Variants in ANKRD18A observed in about 807,000 individuals in gnomAD.
ANKRD18A encodes the protein ankyrin repeat domain-containing protein 18A.
A neutral mutation model predicts 110.6 loss-of-function variants in ANKRD18A; 72 were observed. That is an observed-to-expected ratio of 0.65 (90% CI 0.54 to 0.79). The LOEUF is 0.79. Ranked by LOEUF, ANKRD18A falls within the 30% of genes least tolerant of loss-of-function variation. The pLI, the probability that ANKRD18A is intolerant of heterozygous loss-of-function variation, is 0.00. For missense variants in ANKRD18A, 934 were observed against 1,163.3 expected, an observed-to-expected ratio of 0.80 and a Z score of 2.87; for synonymous variants, 305 against 410.3, an observed-to-expected ratio of 0.74 and a Z score of 3.10.
downstream of ANKRD18A, chr9:38,571,337 T>C: frequency 1.1e-6 from 1 of 935,150 alleles, no homozygotes; most frequent in Non-Finnish European, 1.4e-6. Context: ...CTTGGGGAAC[T>C]GGAGCACCAG....
At position 38,601,220 on chromosome 9, in the gene ANKRD18A, G is replaced by A. The variant is rs1825107563; in HGVS notation, c.863-16C>T. Reference sequence around the variant, plus strand: ...TTGTGTTCTGCTGACAAATCCATATGTTTAGTTAAAATGAATGATTTAAAG... The same window carrying A: ...TTGTGTTCTGCTGACAAATCCATATATTTAGTTAAAATGAATGATTTAAAG... On this transcript the variant is annotated splice_polypyrimidine_tract_variant and intron_variant, in intron 7 of 15. Transcript: ENST00000399703. 1 of 1,546,274 alleles carries A rather than the reference G, an allele frequency of 6.5e-7. No individual in the cohort carries two copies. Among genetic ancestry groups the A allele is most frequent in the Non-Finnish European group, 8.8e-7 (1 of 1,142,636 alleles).
At chr9:38,609,398 G>A (rs557351808) in intron 5 of ANKRD18A, among the ~76,000 whole-genome samples, 16 of 152,064 alleles carry the variant, frequency 1.1e-4, no homozygotes, top group Admixed American at 4.6e-4. Flanking sequence ...GGAGAATAGC[G>A]TGAACCCAGG....
intron 1 of ANKRD18A, 52 bp downstream of exon 1, chr9:38,620,028 G>A (rs1826017033): frequency 1.3e-6 from 2 of 1,542,166 alleles, no homozygotes; most frequent in Non-Finnish European, 1.7e-6. Context: ...CCGGGCTGCA[G>A]GGAAGCCGGG....
intron 9 of ANKRD18A, among the ~76,000 whole-genome samples, chr9:38,595,251 A>C (rs2118776861): frequency 6.6e-6 from 1 of 152,276 alleles, no homozygotes; most frequent in East Asian, 1.9e-4. Flanking sequence ...CTCCAGGACA[A>C]TCCCTAATGC....
At chr9:38,611,386 C>G in intron 3 of ANKRD18A, 65 bp from the exon 4 acceptor site, 1 of 1,498,796 alleles carries the variant, frequency 6.7e-7, no homozygotes, top group South Asian at 1.3e-5. Flanking sequence ...AACTAAAAAT[C>G]TTCTATAAGA....
chr9:38,574,476 C>CT (rs1823791956), intron 15 of ANKRD18A, among the ~76,000 whole-genome samples: 2 of 152,054 alleles, frequency 1.3e-5, no homozygotes, highest in South Asian at 4.2e-4. Flanking sequence ...GCCACCACAC[C>CT]TGGCTAATTT....
downstream of ANKRD18A, chr9:38,568,735 T>A (rs1166427779): frequency 1.0e-6 from 1 of 985,308 alleles, no homozygotes; most frequent in Non-Finnish European, 1.2e-6. Context: ...TGGGCCAAAT[T>A]CTAACTCTGG....
intron 8 of ANKRD18A, among the ~76,000 whole-genome samples, chr9:38,598,622 G>T (rs4098835): frequency 6.6e-6 from 1 of 152,268 alleles, no homozygotes; most frequent in Non-Finnish European, 1.5e-5. Context: ...TCTTCTTCTA[G>T]ACATGCTTTT....
At chr9:38,567,258 C>CGAGTTTCAATTG (rs1563948606), downstream of ANKRD18A, 1 of 152,166 alleles carries the variant, frequency 6.6e-6, no homozygotes, top group Non-Finnish European at 1.5e-5. Context: ...TATGTTCAGC[C>CGAGTTTCAATTG]GAGTTTCAAT....
chr9:38,567,916 C>T (rs4440700), downstream of ANKRD18A: 14,538 of 152,312 alleles, frequency 0.095, 1,158 homozygotes, highest in African/African-American at 0.21. Context: ...CTTGGTGAAG[C>T]GCTCGAAGCC....
chr9:38,603,319 C>A lies in ANKRD18A; in HGVS notation c.809-107G>T, dbSNP rs892771912. 6.1e-6 allele frequency: 9 copies of A among 1,474,306 alleles called. No individual in the cohort carries two copies. The African/African-American group carries it at 1.3e-4, about 21-fold the overall frequency. The allele number at this position is 1,474,306 out of a possible 1,614,324, so 91.3% of individuals were successfully genotyped here. A position where few individuals can be genotyped will look rare whatever the true frequency, so the allele number is the denominator to read the frequency against. ...CTCTGCATGCTTACCCTAAATCCTA[C>A]CCATCTTTTTTAGAAGCTTGCACTC... On this transcript the variant is annotated intron_variant, in intron 6 of 15. Coordinates refer to ENST00000399703, the MANE Select transcript of ANKRD18A (RefSeq NM_147195.4).
At chr9:38,569,831 G>A (rs371794328), downstream of ANKRD18A, among the ~76,000 whole-genome samples, 3,539 of 152,212 alleles carry the variant, frequency 0.023, 67 homozygotes, top group Non-Finnish European at 0.033. Flanking sequence ...GGGTGGTCCT[G>A]GGGATGCAGA....
rs1184756951 is a variant in ANKRD18A, at chr9:38,595,579, A to G, written c.1761T>C (p.Asp587=). The G allele has an allele frequency of 6.5e-7, 1 of 1,549,028 alleles. No individual in the cohort carries two copies. The highest frequency in any genetic ancestry group is 1.4e-5 in the African/African-American group (1 of 72,824). ...ATTCCTTATTTCTTTCTTCTAGAAG[A>G]TCTTCCTTTCCATTCTCAAGACAGT... ...HRDCLENGKE[D]LLEERNKELM... The change falls in exon 9 of 16, where the codon GAT becomes GAC. Residue 587 remains aspartate, a synonymous_variant. Transcript: ENST00000399703.
At chr9:38,588,977 G>A (rs959987433) in intron 10 of ANKRD18A, among the ~76,000 whole-genome samples, 1 of 152,186 alleles carries the variant, frequency 6.6e-6, no homozygotes, top group African/African-American at 2.4e-5. Context: ...TTACATTTTA[G>A]TTTTTAAAGA....
intron 5 of ANKRD18A, among the ~76,000 whole-genome samples, chr9:38,609,353 CG>C (rs1473447794): frequency 2.0e-5 from 3 of 152,042 alleles, no homozygotes; most frequent in Non-Finnish European, 4.4e-5. Flanking sequence ...TGGTGGCGGG[CG>C]CCTGTAGTCC....
At chr9:38,613,241 T>C (rs1207408472) in intron 3 of ANKRD18A, among the ~76,000 whole-genome samples, 2 of 150,942 alleles carry the variant, frequency 1.3e-5, no homozygotes, top group Non-Finnish European at 3.0e-5. Context: ...AGCAGTGATG[T>C]GGTTCTGGGG....
At chr9:38,591,207 C>T (rs1456349572) in intron 10 of ANKRD18A, among the ~76,000 whole-genome samples, 3 of 151,376 alleles carry the variant, frequency 2.0e-5, no homozygotes, top group African/African-American at 7.3e-5. Flanking sequence ...TGGGCTCAAG[C>T]ACTGTTCTTG....
Position 38,577,142 on chromosome 9 carries a change from A to G in ANKRD18A, c.2652T>C (p.Tyr884=). ...ECKFSKMKTA[Y]EEVTTELEEF... is the part of the protein sequence containing the mutation. ...CTTCTAATTCAGTTGTAACCTCTTC[A>G]TAAGCAGTTTTCATTTTGGAGAATT... The change falls in exon 14 of 16, where the codon TAT becomes TAC. Residue 884 remains tyrosine, a synonymous_variant. Coordinates refer to ENST00000399703, the MANE Select transcript of ANKRD18A (RefSeq NM_147195.4). 6.5e-7 allele frequency: 1 copy of G among 1,549,600 alleles called. No individual in the cohort carries two copies. Among genetic ancestry groups the G allele is most frequent in the Non-Finnish European group, 8.7e-7 (1 of 1,146,420 alleles).
intron 8 of ANKRD18A, among the ~76,000 whole-genome samples, chr9:38,598,361 T>C (rs1824978703): frequency 1.3e-5 from 2 of 152,226 alleles, no homozygotes; most frequent in South Asian, 2.1e-4. Flanking sequence ...ATTATGAGAA[T>C]GTTTTCCAGA....
Sources: gnomAD v4.1 joint callset for allele counts (sites outside exome capture counted in the v4.1 genomes callset) on GRCh38, gnomAD v4.1.1 for gene constraint, MANE v1.5 for transcripts, NCBI Gene and HGNC (gene_info 2026-07-23, HGNC 2026-07-21) for gene names.